The following ADCY7 variants were observed in gnomAD, a reference collection of about 807,000 sequenced individuals.
The protein encoded by ADCY7 is adenylate cyclase type 7.
Under a neutral mutation model 120.6 loss-of-function variants are expected in ADCY7, and 72 were observed. The ratio of observed to expected loss-of-function variants is 0.60; its 90% CI spans 0.49 to 0.73. The LOEUF is 0.73. Among genes scored for constraint, ADCY7 ranks in the 30% least tolerant of loss-of-function variants. The pLI is 0.00. For synonymous variants in ADCY7, 661 were observed against 628.0 expected (o/e 1.05, Z -0.78); for missense variants, 1,227 against 1,486.0 (o/e 0.83, Z 2.87).
chr16:50,312,296 C>T, intron 21 of ADCY7, 105 bp downstream of exon 21: 2 of 1,332,392 alleles, frequency 1.5e-6, no homozygotes, highest in Non-Finnish European at 2.1e-6. Context: ...TTGGCTTCCT[C>T]AGGTCCTGGC....
chr16:50,256,733 A>C (rs552730539), intron 1 of ADCY7, among the ~76,000 whole-genome samples: 2 of 152,172 alleles, frequency 1.3e-5, no homozygotes, highest in African/African-American at 2.4e-5. Flanking sequence ...AATGTGGAGA[A>C]AAGGAAACCC....
intron 1 of ADCY7, among the ~76,000 whole-genome samples, chr16:50,283,020 C>G (rs1211737355): frequency 2.6e-5 from 4 of 152,194 alleles, no homozygotes; most frequent in African/African-American, 9.7e-5. Context: ...CTGTCCCCTC[C>G]AAGACCCAGC....
At chr16:50,261,479 G>A (rs1403615213) in intron 1 of ADCY7, among the ~76,000 whole-genome samples, 1 of 151,034 alleles carries the variant, frequency 6.6e-6, no homozygotes, top group Non-Finnish European at 1.5e-5. Context: ...GCCTCTGGAG[G>A]CACAGGCAAG....
At chr16:50,272,155 C>A (rs1294327315) in intron 1 of ADCY7, among the ~76,000 whole-genome samples, 1 of 152,028 alleles carries the variant, frequency 6.6e-6, no homozygotes, top group Non-Finnish European at 1.5e-5. Flanking sequence ...AAGGAATGGC[C>A]ATGACCCTCA....
chr16:50,277,748 G>T (rs2033989768), intron 1 of ADCY7, among the ~76,000 whole-genome samples: 1 of 146,680 alleles, frequency 6.8e-6, no homozygotes, highest in Non-Finnish European at 1.5e-5. Context: ...TCAGCTCACT[G>T]CAAGCTCTGC....
intron 2 of ADCY7, chr16:50,289,403 C>G (rs1310407597): frequency 1.0e-5 from 4 of 398,778 alleles, no homozygotes; most frequent in Admixed American, 3.1e-5. Context: ...CAGGCACTTG[C>G]CTTGGTACAG....
rs1468943753 is a variant in ADCY7 at position 50,291,842 on chromosome 16, T to C, written c.482T>C (p.Val161Ala). The C allele has an allele frequency of 6.2e-7, 1 of 1,613,992 alleles. No individual in the cohort carries two copies. The highest frequency in any genetic ancestry group is 1.1e-5 in the South Asian group (1 of 91,084). ...GAVSTASHLLVLGSLMGGFTT... is the reference protein window; with the variant it reads ...GAVSTASHLLALGSLMGGFTT... ...GTCTCCACTGCCTCCCACCTCCTGG[T>C]GCTCGGTTCTTTGATGGGAGGCTTC... Residue 161 changes from valine to alanine, a missense_variant, in exon 4 of 26, where the codon GTG (valine) becomes GCG (alanine). Val to Ala is a moderately conservative substitution (Grantham distance 64). This residue lies in a region of ADCY7 where 382 missense variants were observed against 411.4 expected (regional missense o/e 0.93). Transcript: ENST00000673801.
chr16:50,310,680 C>T lies in ADCY7; in HGVS notation c.2161-7C>T, dbSNP rs952348787. The T allele has an allele frequency of 2.5e-6, 4 of 1,612,834 alleles. No homozygotes were observed. Among genetic ancestry groups the T allele is most frequent in the African/African-American group, 2.7e-5 (2 of 74,838 alleles). ...GCCCTGTCCTGAGTGACACCCTGCC[C>T]CCTCAGTACTACACCTGCAGCTGTG... On this transcript the variant is annotated splice_region_variant and splice_polypyrimidine_tract_variant and intron_variant, in intron 18 of 25. Transcript: ENST00000673801.
intron 1 of ADCY7, among the ~76,000 whole-genome samples, chr16:50,258,287 G>T (rs1478663829): frequency 6.6e-6 from 1 of 152,152 alleles, no homozygotes; most frequent in Non-Finnish European, 1.5e-5. Context: ...TGATGAGACT[G>T]TGATATGTTT....
At position 50,290,470 on chromosome 16, in the gene ADCY7, A is replaced by G; in HGVS notation, c.185A>G (p.His62Arg). The G allele has an allele frequency of 6.2e-7, 1 of 1,614,160 alleles. No homozygotes were observed. Among genetic ancestry groups the G allele is most frequent in the Non-Finnish European group, 8.5e-7 (1 of 1,180,032 alleles). ...TGCTCCACCCAGGACCCCTCCAGAC[A>G]CCAGGCCATTCTGGGCATGGCGTTC... The part of the protein sequence containing the change: ...IAFSQGDPSR[H>R]QAILGMAFLV... The change falls in exon 3 of 26, where the codon CAC (histidine) becomes CGC (arginine). Residue 62 changes from histidine to arginine, a missense_variant. This residue lies in a region of ADCY7 where 382 missense variants were observed against 411.4 expected (regional missense o/e 0.93). Transcript: ENST00000673801.
chr16:50,307,257 G>A, intron 15 of ADCY7, 110 bp downstream of exon 15: 2 of 1,023,670 alleles, frequency 2.0e-6, no homozygotes, highest in Non-Finnish European at 2.9e-6. Context: ...GTCGGCTGCT[G>A]GGGTCCTAGC....
At chr16:50,247,356 C>T (rs528267085) in intron 1 of ADCY7, among the ~76,000 whole-genome samples, 3 of 151,982 alleles carry the variant, frequency 2.0e-5, no homozygotes, top group East Asian at 1.9e-4. Context: ...GGTCCATATG[C>T]GGAGGCAGGA....
At chr16:50,282,465 G>A (rs1377741732) in intron 1 of ADCY7, among the ~76,000 whole-genome samples, 3 of 152,308 alleles carry the variant, frequency 2.0e-5, no homozygotes, top group East Asian at 3.9e-4. Flanking sequence ...AAGGGAGTGT[G>A]TGTGGGGTTG....
At chr16:50,255,402 G>GGAA (rs368044444) in intron 1 of ADCY7, among the ~76,000 whole-genome samples, 3 of 108,142 alleles carry the variant, frequency 2.8e-5, no homozygotes, top group South Asian at 7.1e-4. Context: ...TCTGTTTCTG[G>GGAA]AAAAAAAAAA....
At position 50,289,397 on chromosome 16, in the gene ADCY7, C is replaced by A. The variant is rs1243276845; in HGVS notation, c.171+1047C>A. The A allele has an allele frequency of 7.4e-6, 3 of 404,412 alleles. No homozygotes were observed. In the Admixed American group the frequency reaches 9.0e-5, roughly 12 times the overall value. 25.1% of individuals were successfully genotyped at this position (404,412 alleles called of 1,614,324 possible). A position where few individuals can be genotyped will look rare whatever the true frequency, so the allele number is the denominator to read the frequency against. ...CCACCTATGTCATTTCCGGCCCAGG[C>A]ACTTGCCTTGGTACAGCCACTAGCT... On this transcript the variant is annotated intron_variant, in intron 2 of 25. Transcript: ENST00000673801.
At chr16:50,256,040 G>T (rs990250924) in intron 1 of ADCY7, among the ~76,000 whole-genome samples, 2 of 139,116 alleles carry the variant, frequency 1.4e-5, no homozygotes, top group African/African-American at 5.3e-5. Context: ...TATTATTTTT[G>T]ACTCCAAAAT....
At chr16:50,249,517 G>C (rs991490679) in intron 1 of ADCY7, among the ~76,000 whole-genome samples, 5 of 152,180 alleles carry the variant, frequency 3.3e-5, no homozygotes, top group African/African-American at 1.2e-4. Flanking sequence ...GACCTCATGG[G>C]TTCCCCCTGA....
chr16:50,252,809 C>T (rs892592306), intron 1 of ADCY7, among the ~76,000 whole-genome samples: 3 of 152,066 alleles, frequency 2.0e-5, no homozygotes, highest in African/African-American at 7.2e-5. Flanking sequence ...AGTACAGAAA[C>T]AATTCACATT....
In ADCY7 at chr16:50,254,691, A is replaced by G. The variant is rs147737588; in HGVS notation, c.-64+8488A>G. On this transcript the variant is annotated intron_variant, in intron 1 of 4. Transcript: ENST00000564044. ...AAGAATTAATATCGTGCAAATGTCC[A>G]TACTACCCAAAGCTATTCAATGCAG... is the stretch of plus-strand genomic sequence containing the variant. 3.2e-3 allele frequency among the ~76,000 whole-genome samples: 486 copies of G among 152,342 alleles called. 4 individuals carry two copies. The highest frequency in any genetic ancestry group is 0.011 in the African/African-American group (455 of 41,584).
Sources: gnomAD v4.1 joint callset for allele counts (sites outside exome capture counted in the v4.1 genomes callset) on GRCh38, gnomAD v4.1.1 for gene constraint, gnomAD v4.1.1 regional missense constraint, MANE v1.5 for transcripts, NCBI Gene and HGNC (gene_info 2026-07-23, HGNC 2026-07-21) for gene names.